The following LRRC7 variants were observed in gnomAD, a reference collection of about 807,000 sequenced individuals.
The protein encoded by LRRC7 is leucine-rich repeat-containing protein 7.
Under a neutral mutation model 175.7 loss-of-function variants are expected in LRRC7, and 23 were observed. That is an observed-to-expected ratio of 0.13 (90% CI 0.09 to 0.19). LRRC7 has a LOEUF of 0.19. Ranked by LOEUF, LRRC7 falls within the 10% of genes least tolerant of loss-of-function variation. The pLI is 1.00. For missense variants in LRRC7, 1,354 were observed against 1,904.7 expected, an observed-to-expected ratio of 0.71 and a Z score of 5.38; for synonymous variants, 685 against 680.9, an observed-to-expected ratio of 1.01 and a Z score of -0.09.
At chr1:69,792,270 C>A in intron 4 of LRRC7, 110 bp downstream of exon 4, 3 of 686,096 alleles carry the variant, frequency 4.4e-6, no homozygotes, top group Non-Finnish European at 5.0e-6. Flanking sequence ...GATTTTGTTG[C>A]AACTGTAGTT....
At chr1:69,834,193 T>C (rs1328653628) in intron 5 of LRRC7, among the ~76,000 whole-genome samples, 2 of 152,128 alleles carry the variant, frequency 1.3e-5, no homozygotes, top group African/African-American at 4.8e-5. Flanking sequence ...CAATGTTCTT[T>C]GTCATTTTTA....
chr1:70,113,965 C>T (rs1665682467), intron 26 of LRRC7, among the ~76,000 whole-genome samples: 1 of 151,716 alleles, frequency 6.6e-6, no homozygotes, highest in Non-Finnish European at 1.5e-5. Context: ...CATGTATGTG[C>T]CTAAGAGAGT....
At chr1:69,718,946 G>A (rs1666055011) in intron 2 of LRRC7, among the ~76,000 whole-genome samples, 1 of 151,726 alleles carries the variant, frequency 6.6e-6, no homozygotes, top group Admixed American at 6.6e-5. Context: ...CTCTTCAACA[G>A]CATCTTTATT....
At chr1:69,908,248 G>A (rs1298791221) in intron 7 of LRRC7, among the ~76,000 whole-genome samples, 9 of 151,944 alleles carry the variant, frequency 5.9e-5, no homozygotes, top group African/African-American at 1.9e-4. Context: ...GGGTTTTTTT[G>A]TGTCTCTATC....
chr1:69,753,210 C>A (rs771392795), intron 2 of LRRC7, among the ~76,000 whole-genome samples: 1 of 151,828 alleles, frequency 6.6e-6, no homozygotes, highest in Non-Finnish European at 1.5e-5. Flanking sequence ...ACTGGATAAG[C>A]AAATTGTTTC....
chr1:69,915,874 AC>A (rs1646671543), intron 7 of LRRC7, among the ~76,000 whole-genome samples: 1 of 150,734 alleles, frequency 6.6e-6, no homozygotes, highest in African/African-American at 2.4e-5. Context: ...TAACCCTATA[AC>A]ATAGGGATTC....
intron 4 of LRRC7, among the ~76,000 whole-genome samples, chr1:69,798,029 C>T (rs1676003615): frequency 6.6e-6 from 1 of 152,136 alleles, no homozygotes; most frequent in African/African-American, 2.4e-5. Flanking sequence ...TCAAGAGATT[C>T]TCCTGCCTCA....
At chr1:69,882,287 A>T (rs1048073943) in intron 7 of LRRC7, among the ~76,000 whole-genome samples, 3 of 152,108 alleles carry the variant, frequency 2.0e-5, no homozygotes, top group Admixed American at 6.6e-5. Flanking sequence ...TGGTACAGCC[A>T]TTACAGAAAA....
At chr1:69,762,660 T>C (rs2100948859) in intron 3 of LRRC7, among the ~76,000 whole-genome samples, 1 of 152,140 alleles carries the variant, frequency 6.6e-6, no homozygotes, top group South Asian at 2.1e-4. Flanking sequence ...TTTGGCTTAA[T>C]GCATTGATAA....
chr1:70,105,735 C>T (rs1665100272), intron 25 of LRRC7, among the ~76,000 whole-genome samples: 1 of 152,078 alleles, frequency 6.6e-6, no homozygotes, highest in Non-Finnish European at 1.5e-5. Flanking sequence ...CTATGATGAA[C>T]ATATTAGCAC....
intron 3 of LRRC7, among the ~76,000 whole-genome samples, chr1:69,772,965 G>A (rs1293924543): frequency 6.6e-6 from 1 of 152,184 alleles, no homozygotes; most frequent in African/African-American, 2.4e-5. Flanking sequence ...TACGGAAGTC[G>A]TTGGTTACCT....
At chr1:69,968,184 T>C (rs1651856498) in intron 8 of LRRC7, among the ~76,000 whole-genome samples, 1 of 151,910 alleles carries the variant, frequency 6.6e-6, no homozygotes, top group Non-Finnish European at 1.5e-5. Context: ...GCAATAGAAT[T>C]GAACAAGCAG....
At chr1:69,590,512 T>A (rs892276633) in intron 1 of LRRC7, among the ~76,000 whole-genome samples, 9 of 152,138 alleles carry the variant, frequency 5.9e-5, no homozygotes, top group African/African-American at 1.9e-4. Flanking sequence ...CTGTGCTAAG[T>A]AAGACCTACT....
intron 7 of LRRC7, among the ~76,000 whole-genome samples, chr1:69,886,131 G>A (rs992313542): frequency 5.9e-5 from 9 of 151,800 alleles, no homozygotes; most frequent in African/African-American, 2.2e-4. Flanking sequence ...TGTCTATTAG[G>A]TCCGGTTGGT....
intron 10 of LRRC7, among the ~76,000 whole-genome samples, chr1:69,991,409 G>T (rs1023957404): frequency 3.3e-5 from 5 of 152,110 alleles, no homozygotes; most frequent in East Asian, 1.9e-4. Flanking sequence ...AGTAACTGTT[G>T]TAGTAGCTTA....
chr1:69,910,144 GTA>G (rs1646475903), intron 7 of LRRC7, among the ~76,000 whole-genome samples: 1 of 152,046 alleles, frequency 6.6e-6, no homozygotes, highest in Non-Finnish European at 1.5e-5. Flanking sequence ...GGACTTCTCT[GTA>G]TTGGTTATTC....
intron 8 of LRRC7, among the ~76,000 whole-genome samples, chr1:69,935,105 G>T (rs549329187): frequency 6.6e-6 from 1 of 152,172 alleles, no homozygotes; most frequent in African/African-American, 2.4e-5. Context: ...AGCAGCATGG[G>T]TAGGGACCCA....
intron 1 of LRRC7, among the ~76,000 whole-genome samples, chr1:69,591,000 A>G (rs7513154): frequency 0.021 from 3,205 of 152,256 alleles, 40 homozygotes; most frequent in South Asian, 0.047. Context: ...GTTAGAAACT[A>G]TAACTGTTTT....
chr1:69,888,717 A>C (rs1645737481), intron 7 of LRRC7, among the ~76,000 whole-genome samples: 2 of 152,138 alleles, frequency 1.3e-5, no homozygotes, highest in South Asian at 4.1e-4. Context: ...TATAGGTGGA[A>C]TCTAAAAAAA....
Sources: gnomAD v4.1 joint callset for allele counts (sites outside exome capture counted in the v4.1 genomes callset) on GRCh38, gnomAD v4.1.1 for gene constraint, MANE v1.5 for transcripts, NCBI Gene and HGNC (gene_info 2026-07-23, HGNC 2026-07-21) for gene names.